The following STK3 variants were observed in gnomAD, a reference collection of about 807,000 sequenced individuals.
The protein encoded by STK3 is serine/threonine kinase 3, also known as serine/threonine-protein kinase 3.
STK3 carries 41 observed loss-of-function variants against 58.0 expected under a neutral mutation model. The observed-to-expected ratio is 0.71, with a 90% confidence interval of 0.55 to 0.92. The LOEUF (loss-of-function observed/expected upper bound fraction) is 0.92, where lower values mean the gene tolerates loss of function less well. Ranked by LOEUF, STK3 falls within the 40% of genes least tolerant of loss-of-function variation. The probability of loss-of-function intolerance (pLI) is 0.00; values close to 1 mark genes in which losing one functional copy is unlikely to be tolerated. For missense variants in STK3, 479 were observed against 602.7 expected, an observed-to-expected ratio of 0.79 and a Z score of 2.15; for synonymous variants, 170 against 191.0, an observed-to-expected ratio of 0.89 and a Z score of 0.91.
intron 3 of STK3, among the ~76,000 whole-genome samples, chr8:98,859,568 T>C (rs2131848468): frequency 6.6e-6 from 1 of 152,322 alleles, no homozygotes; most frequent in Middle Eastern, 3.4e-3. Context: ...CACAAGGTTA[T>C]TGGAAACAAG....
Position 98,428,237 on chromosome 8 carries a change from C to T in STK3, n.483+5890G>A. 1 of 1,614,172 alleles carries T rather than the reference C, an allele frequency of 6.2e-7. No homozygotes were observed. On this transcript the variant is annotated intron_variant and non_coding_transcript_variant, in intron 3 of 3. Coordinates refer to the STK3 transcript ENST00000517832. The surrounding 1 kb of genome is among the most constrained non-coding windows in gnomAD (Gnocchi z 6.7). ...TCCCCTACGTGCTGCATTTCTATCA[C>T]ACCGGCAAGCTTCACGTCATGGCTG...
At chr8:98,761,271 C>T (rs1438327535) in intron 3 of STK3, among the ~76,000 whole-genome samples, 2 of 151,800 alleles carry the variant, frequency 1.3e-5, no homozygotes, top group Non-Finnish European at 2.9e-5. Flanking sequence ...ACTACAGGCA[C>T]GTGCCACCAT....
chr8:98,634,905 C>A (rs1587105502), intron 6 of STK3, among the ~76,000 whole-genome samples: 3 of 151,928 alleles, frequency 2.0e-5, no homozygotes, highest in South Asian at 2.1e-4. Context: ...TACAGGCATG[C>A]GTTTTTATAC....
At chr8:98,701,873 T>TA (rs1825652413) in intron 6 of STK3, among the ~76,000 whole-genome samples, 1 of 152,144 alleles carries the variant, frequency 6.6e-6, no homozygotes, top group Non-Finnish European at 1.5e-5. Flanking sequence ...AGTTTTAATT[T>TA]AAAAAAATTT....
intron 6 of STK3, among the ~76,000 whole-genome samples, chr8:98,665,113 C>A (rs1403258881): frequency 6.6e-6 from 1 of 152,212 alleles, no homozygotes; most frequent in African/African-American, 2.4e-5. Context: ...CTAACTTTAA[C>A]TTCCTACTGT....
chr8:98,580,966 A>T lies in STK3; in HGVS notation c.823-1177T>A, dbSNP rs962056196. Among the ~76,000 whole-genome samples, 6 of 152,230 alleles carry T rather than the reference A, an allele frequency of 3.9e-5. 1 individual carries two copies. Among genetic ancestry groups the T allele is most frequent in the African/African-American group, 1.4e-4 (6 of 41,464 alleles). On this transcript the variant is annotated intron_variant, in intron 7 of 10. Coordinates refer to ENST00000419617, the MANE Select transcript of STK3 (RefSeq NM_006281.4). ...ATCAATTGTAAAGAACCAATAAATT[A>T]TTTTAGAACAGTTATAGATTAATCT...
intron 3 of STK3, among the ~76,000 whole-genome samples, chr8:98,433,637 A>G (rs895620037): frequency 2.0e-5 from 3 of 152,154 alleles, no homozygotes; most frequent in African/African-American, 7.2e-5. Flanking sequence ...CTTCACCTCA[A>G]TATAAAAACA....
At chr8:98,452,126 T>C (rs1276848239), downstream of STK3, among the ~76,000 whole-genome samples, 1 of 152,230 alleles carries the variant, frequency 6.6e-6, no homozygotes, top group East Asian at 1.9e-4. Flanking sequence ...ATCAGTAATT[T>C]GAAAAGATTT....
chr8:98,659,503 C>T (rs1373803223), intron 6 of STK3, among the ~76,000 whole-genome samples: 1 of 151,304 alleles, frequency 6.6e-6, no homozygotes, highest in Non-Finnish European at 1.5e-5. Flanking sequence ...GATGGAATTA[C>T]TTAACTTTTT....
chr8:98,513,974 C>T (rs1011597582), intron 10 of STK3, among the ~76,000 whole-genome samples: 1 of 152,172 alleles, frequency 6.6e-6, no homozygotes, highest in African/African-American at 2.4e-5. Flanking sequence ...ATTCCAACCA[C>T]ATGAACATCA....
intron 3 of STK3, among the ~76,000 whole-genome samples, chr8:98,766,352 A>G (rs1359336535): frequency 6.6e-6 from 1 of 152,238 alleles, no homozygotes; most frequent in South Asian, 2.1e-4. Context: ...AGATTTACAT[A>G]AAACATGACT....
chr8:98,654,947 C>G (rs1821348612), intron 6 of STK3, among the ~76,000 whole-genome samples: 1 of 152,024 alleles, frequency 6.6e-6, no homozygotes, highest in Non-Finnish European at 1.5e-5. Flanking sequence ...CCCCATCAAG[C>G]TACCAGTGAC....
intron 9 of STK3, among the ~76,000 whole-genome samples, chr8:98,540,254 A>G (rs1448324138): frequency 6.6e-6 from 1 of 152,228 alleles, no homozygotes; most frequent in Non-Finnish European, 1.5e-5. Flanking sequence ...TATCTGTCCT[A>G]GCTGCACCTC....
downstream of STK3, among the ~76,000 whole-genome samples, chr8:98,453,464 T>C (rs1819296572): frequency 6.6e-6 from 1 of 152,184 alleles, no homozygotes; most frequent in South Asian, 2.1e-4. Flanking sequence ...AGTAAGAAGA[T>C]AGGAAAAATT....
the STK3 span, among the ~76,000 whole-genome samples, chr8:98,355,809 C>G: frequency 6.6e-6 from 1 of 152,206 alleles, no homozygotes; most frequent in African/African-American, 2.4e-5. Context: ...CAGCTCTCTG[C>G]TTTCTGGATG....
intron 4 of STK3, among the ~76,000 whole-genome samples, chr8:98,745,992 C>T (rs1000328409): frequency 6.6e-6 from 1 of 152,140 alleles, no homozygotes; most frequent in Non-Finnish European, 1.5e-5. Flanking sequence ...GGTAAGTATT[C>T]GTGTATCTAA....
chr8:98,906,989 T>TAAAA (rs3085954), intron 1 of STK3, among the ~76,000 whole-genome samples: 25 of 94,770 alleles, frequency 2.6e-4, no homozygotes, highest in African/African-American at 3.8e-4. Context: ...TCTCTACCAA[T>TAAAA]AAAAAAAAAA....
chr8:98,814,529 C>T (rs1425342350), intron 1 of STK3, among the ~76,000 whole-genome samples: 1 of 151,800 alleles, frequency 6.6e-6, no homozygotes, highest in South Asian at 2.1e-4. Flanking sequence ...GTTGTAGAGA[C>T]AGGGTCTCAC....
chr8:98,547,963 ACATACTTTT>A lies in STK3; in HGVS notation c.1138_1141+5del. On this transcript the variant is annotated splice_donor_variant and splice_donor_5th_base_variant and coding_sequence_variant and intron_variant, in exon 9 of 11. Coordinates refer to ENST00000419617, the MANE Select transcript of STK3 (RefSeq NM_006281.4). LOFTEE classifies it high-confidence loss of function. ...AACTAATATTTAATGTAAAAAAGCC[ACATACTTTT>A]CATAGTTCCATCTTCTTCTTCCTCA... 1 of 1,566,844 alleles carries A rather than the reference ACATACTTTT, an allele frequency of 6.4e-7. No homozygotes were observed. Among genetic ancestry groups the A allele is most frequent in the Non-Finnish European group, 8.6e-7 (1 of 1,157,694 alleles).
Sources: gnomAD v4.1 joint callset for allele counts (sites outside exome capture counted in the v4.1 genomes callset) on GRCh38, gnomAD v4.1.1 for gene constraint, Gnocchi (gnomAD v3.1) non-coding constraint, MANE v1.5 for transcripts, NCBI Gene and HGNC (gene_info 2026-07-23, HGNC 2026-07-21) for gene names.